ALCAM: variants seen among roughly 807,000 people sequenced by gnomAD.
ALCAM encodes CD166 antigen.
In ALCAM, 30 loss-of-function variants were observed where a neutral mutation model predicts 70.9. The observed-to-expected ratio is 0.42, with a 90% confidence interval of 0.32 to 0.57. The LOEUF (loss-of-function observed/expected upper bound fraction) is 0.57, where lower values mean the gene tolerates loss of function less well. Among genes scored for constraint, ALCAM ranks in the 20% least tolerant of loss-of-function variants. The pLI is 0.11. For synonymous variants in ALCAM, 249 were observed against 242.5 expected (o/e 1.03, Z -0.25); for missense variants, 591 against 695.1 (o/e 0.85, Z 1.68).
chr3:105,565,295 C>G (rs993483913), intron 14 of ALCAM, among the ~76,000 whole-genome samples: 1 of 152,014 alleles, frequency 6.6e-6, no homozygotes, highest in Non-Finnish European at 1.5e-5. Flanking sequence ...TGAAATTGTC[C>G]CACAGATCCT....
intron 14 of ALCAM, among the ~76,000 whole-genome samples, chr3:105,564,448 C>T (rs151078932): frequency 9.1e-4 from 139 of 152,302 alleles, no homozygotes; most frequent in Non-Finnish European, 1.9e-3. Flanking sequence ...CTCCTTCCAG[C>T]ACTCTTCTTA....
At chr3:105,437,355 T>C (rs1216008587) in intron 1 of ALCAM, among the ~76,000 whole-genome samples, 1 of 152,216 alleles carries the variant, frequency 6.6e-6, no homozygotes, top group Non-Finnish European at 1.5e-5. Flanking sequence ...TTGCTTTGAT[T>C]ATTTTTCCTA....
At chr3:105,441,687 T>C (rs991256726) in intron 1 of ALCAM, among the ~76,000 whole-genome samples, 1 of 152,218 alleles carries the variant, frequency 6.6e-6, no homozygotes, top group Non-Finnish European at 1.5e-5. Context: ...ATGTCTGTTT[T>C]TCCACACATC....
chr3:105,409,323 A>T (rs1022806869), intron 1 of ALCAM, among the ~76,000 whole-genome samples: 5 of 101,216 alleles, frequency 4.9e-5, no homozygotes, highest in Non-Finnish European at 1.0e-4. Flanking sequence ...GAGTGGATAA[A>T]GAAAATGTGA....
At chr3:105,425,467 G>A (rs62263605) in intron 1 of ALCAM, among the ~76,000 whole-genome samples, 23,659 of 151,570 alleles carry the variant, frequency 0.16, 2,109 homozygotes, top group Non-Finnish European at 0.21. Context: ...TTCTGATCCC[G>A]GAGAAACGAT....
At chr3:105,402,877 T>C (rs950735041) in intron 1 of ALCAM, among the ~76,000 whole-genome samples, 2 of 151,030 alleles carry the variant, frequency 1.3e-5, no homozygotes, top group African/African-American at 4.9e-5. Context: ...GAAACCTGAA[T>C]ACTTAACCAG....
At chr3:105,564,541 C>G (rs1940704051) in intron 14 of ALCAM, among the ~76,000 whole-genome samples, 1 of 152,162 alleles carries the variant, frequency 6.6e-6, no homozygotes, top group Admixed American at 6.5e-5. Flanking sequence ...TGTCTACCGC[C>G]AGTAAATTCT....
intron 1 of ALCAM, among the ~76,000 whole-genome samples, chr3:105,448,331 A>G (rs558753151): frequency 1.3e-5 from 2 of 152,236 alleles, no homozygotes; most frequent in East Asian, 3.9e-4. Flanking sequence ...TTTAAGCTAA[A>G]ACTTTAAGCT....
intron 1 of ALCAM, among the ~76,000 whole-genome samples, chr3:105,408,707 A>G (rs1345277828): frequency 6.6e-6 from 1 of 152,166 alleles, no homozygotes; most frequent in Non-Finnish European, 1.5e-5. Context: ...GTTGGTACTT[A>G]ATTAAACTAA....
intron 1 of ALCAM, among the ~76,000 whole-genome samples, chr3:105,368,298 C>G (rs949153729): frequency 7.2e-6 from 1 of 138,780 alleles, no homozygotes; most frequent in East Asian, 2.3e-4. Context: ...AAATATCTCT[C>G]GGGAAATCCC....
rs185222823 is a variant in ALCAM, at chr3:105,483,125, C to T, written c.74-36942C>T. ...TGACTTCCAACTTGGGGAAATTTAC[C>T]TCTCATATATGCCTACTGCTGGAAG... On this transcript the variant is annotated intron_variant, in intron 1 of 15. Transcript: ENST00000306107. Among the ~76,000 whole-genome samples, 158 of 152,168 alleles carry T rather than the reference C, an allele frequency of 1.0e-3. 1 individual carries two copies. Among genetic ancestry groups the T allele is most frequent in the Middle Eastern group, 6.8e-3 (2 of 292 alleles).
intron 1 of ALCAM, among the ~76,000 whole-genome samples, chr3:105,380,782 A>G (rs926719595): frequency 6.6e-6 from 1 of 151,984 alleles, no homozygotes; most frequent in African/African-American, 2.4e-5. Context: ...TTGTCAACAC[A>G]GAAACAGATT....
At chr3:105,417,008 T>C (rs1576149241) in intron 1 of ALCAM, among the ~76,000 whole-genome samples, 1 of 151,964 alleles carries the variant, frequency 6.6e-6, no homozygotes, top group East Asian at 1.9e-4. Flanking sequence ...TGAGCTATAA[T>C]AAAAGCCCAG....
chr3:105,426,231 A>G (rs1936787602), intron 1 of ALCAM, among the ~76,000 whole-genome samples: 1 of 151,894 alleles, frequency 6.6e-6, no homozygotes, highest in African/African-American at 2.4e-5. Context: ...AAATTAAATG[A>G]TCTTTTTACC....
At chr3:105,571,660 C>A (rs1940863738) in intron 14 of ALCAM, among the ~76,000 whole-genome samples, 192 bp from the exon 15 acceptor site, 1 of 152,022 alleles carries the variant, frequency 6.6e-6, no homozygotes, top group African/African-American at 2.4e-5. Flanking sequence ...TTACTGGAAC[C>A]CCATCACCAA....
At chr3:105,472,705 A>G (rs940817369) in intron 1 of ALCAM, among the ~76,000 whole-genome samples, 1 of 151,460 alleles carries the variant, frequency 6.6e-6, no homozygotes, top group African/African-American at 2.4e-5. Flanking sequence ...AGATGTCTGA[A>G]AATCAAAACA....
chr3:105,416,934 C>A (rs1322976536), intron 1 of ALCAM, among the ~76,000 whole-genome samples: 2 of 151,850 alleles, frequency 1.3e-5, no homozygotes, highest in African/African-American at 4.8e-5. Flanking sequence ...ATCATGTTAC[C>A]TCTTACTTAA....
At chr3:105,478,710 G>A (rs1458185396) in intron 1 of ALCAM, among the ~76,000 whole-genome samples, 1 of 152,016 alleles carries the variant, frequency 6.6e-6, no homozygotes, top group Non-Finnish European at 1.5e-5. Context: ...ATTACTAAAG[G>A]TAAAAACTAA....
chr3:105,523,329 C>G (rs1161621311), intron 2 of ALCAM, among the ~76,000 whole-genome samples: 1 of 152,096 alleles, frequency 6.6e-6, no homozygotes, highest in African/African-American at 2.4e-5. Flanking sequence ...GTGATTAAAA[C>G]AGTTAAGAAG....
Sources: gnomAD v4.1 joint callset for allele counts (sites outside exome capture counted in the v4.1 genomes callset) on GRCh38, gnomAD v4.1.1 for gene constraint, MANE v1.5 for transcripts, NCBI Gene and HGNC (gene_info 2026-07-23, HGNC 2026-07-21) for gene names.